The following MSX1 variants were observed in gnomAD, a reference collection of about 807,000 sequenced individuals.
MSX1 encodes the protein homeobox protein MSX-1.
A neutral mutation model predicts 17.0 loss-of-function variants in MSX1; 11 were observed. That is an observed-to-expected ratio of 0.65 (90% CI 0.41 to 1.07). MSX1 has a LOEUF of 1.07. MSX1 is among the 50% of genes least tolerant of loss of function. The pLI is 0.00. For synonymous variants in MSX1, 253 were observed against 211.8 expected (o/e 1.19, Z -1.69); for missense variants, 477 against 440.1 (o/e 1.08, Z -0.75).
rs771408025 is a variant in MSX1, at chr4:4,859,994, C to T, written c.95C>T (p.Ala32Val). Residue 32 changes from alanine to valine, a missense_variant, in exon 1 of 2, where the codon GCC (alanine) becomes GTC (valine). By Grantham distance (64) the Ala-to-Val change is moderately conservative. Coordinates refer to ENST00000382723, the MANE Select transcript of MSX1 (RefSeq NM_002448.3). The part of the protein sequence containing the change: ...GKPAGGGAGQ[A>V]PSAAAATAAA... ...CCGGCGGGGGGAGGCGCGGGCCAGG[C>T]CCCCAGCGCCGCCGCGGCCACGGCA... The T allele has an allele frequency of 8.5e-5, 127 of 1,491,764 alleles. 1 individual carries two copies. In the African/African-American group the frequency reaches 1.4e-3, roughly 16 times the overall value. 92.4% of individuals were successfully genotyped at this position (1,491,764 alleles called of 1,614,324 possible).
At position 4,863,261 on chromosome 4, in the gene MSX1, C is replaced by T; in HGVS notation, c.*118C>T. On this transcript the variant is annotated 3_prime_UTR_variant, in exon 2 of 2. Transcript: ENST00000382723. ...CCTTCCCTTTAACCCTCACACTGCT[C>T]CAGTTTCACCTCTTTGCTCCCTGAG... 1 of 1,055,670 alleles carries T rather than the reference C, an allele frequency of 9.5e-7. No homozygotes were observed. The highest frequency in any genetic ancestry group is 1.4e-6 in the Non-Finnish European group (1 of 724,922). 65.4% of individuals were successfully genotyped at this position (1,055,670 alleles called of 1,614,324 possible).
chr4:4,860,617 C>G (rs2108777874), intron 1 of MSX1, among the ~76,000 whole-genome samples: 2 of 152,338 alleles, frequency 1.3e-5, no homozygotes, highest in South Asian at 4.1e-4. Flanking sequence ...TGTCTGGGCA[C>G]CCTGTCCTCC....
At position 4,862,844 on chromosome 4, in the gene MSX1, T is replaced by C. The variant is rs759104204; in HGVS notation, c.613T>C (p.Phe205Leu). The change falls in exon 2 of 2, where the codon TTC becomes CTC. Residue 205 changes from phenylalanine to leucine, a missense_variant. Phe to Leu is a conservative substitution (Grantham distance 22). Around this residue, in one of 3 missense-constraint regions of MSX1, gnomAD observed 355 missense variants for 306.1 expected, o/e 1.16. Transcript: ENST00000382723. ...QYLSIAERAE[F>L]SSSLSLTETQ... ...CCTGTCCATCGCCGAGCGCGCGGAG[T>C]TCTCCAGCTCGCTCAGCCTCACTGA... 6.2e-7 allele frequency: 1 copy of C among 1,613,678 alleles called. No homozygotes were observed. Among genetic ancestry groups the C allele is most frequent in the East Asian group, 2.2e-5 (1 of 44,864 alleles).
In MSX1 at chr4:4,859,904, C is replaced by T. The variant is rs976201663; in HGVS notation, c.5C>T (p.Ala2Val). The stretch of plus-strand genomic sequence containing the variant: ...GAAGGGGGGGCCCGGCTCTGCATGG[C>T]CCCGGCTGCTGACATGACTTCTTTG... Reference protein sequence around the residue: MAPAADMTSLPL... With the variant: MVPAADMTSLPL... Residue 2 changes from alanine (A) to valine (V), a missense_variant, in exon 1 of 2, where the codon GCC becomes GTC. This residue lies in a region of MSX1 where 355 missense variants were observed against 306.1 expected (regional missense o/e 1.16). Coordinates refer to ENST00000382723, the MANE Select transcript of MSX1 (RefSeq NM_002448.3). 2 of 1,493,252 alleles carry T rather than the reference C, an allele frequency of 1.3e-6. No homozygotes were observed. Among genetic ancestry groups the T allele is most frequent in the Non-Finnish European group, 1.8e-6 (2 of 1,121,916 alleles). 92.5% of individuals were successfully genotyped at this position (1,493,252 alleles called of 1,614,324 possible).
At position 4,860,060 on chromosome 4, in the gene MSX1, T is replaced by C; in HGVS notation, c.161T>C (p.Val54Ala). ...GACGAGGAGGGGGCCAAGCCCAAAGTGTCCCCTTCGCTCCTGCCCTTCAGC... is the reference window on the plus strand; with the variant it reads ...GACGAGGAGGGGGCCAAGCCCAAAGCGTCCCCTTCGCTCCTGCCCTTCAGC... ...GADEEGAKPK[V>A]SPSLLPFSVE... is the part of the protein sequence containing the mutation. The change falls in exon 1 of 2, where the codon GTG (valine) becomes GCG (alanine). Residue 54 changes from valine to alanine, a missense_variant. This residue lies in a region of MSX1 where 355 missense variants were observed against 306.1 expected (regional missense o/e 1.16). Transcript: ENST00000382723. The C allele has an allele frequency of 6.6e-7, 1 of 1,519,164 alleles. No homozygotes were observed. The highest frequency in any genetic ancestry group is 8.8e-7 in the Non-Finnish European group (1 of 1,134,958). The allele number at this position is 1,519,164 out of a possible 1,614,324, so 94.1% of individuals were successfully genotyped here.
rs539393905 is a variant in MSX1 at position 4,860,802 on chromosome 4, C to T, written c.469+434C>T. On this transcript the variant is annotated intron_variant, in intron 1 of 1. Transcript: ENST00000382723. ...CCCAGCCCCTCTTCCCTTTCAAGTA[C>T]CTCTTTGCCTAGAGGTTCCGAAGCT... 3.9e-5 allele frequency among the ~76,000 whole-genome samples: 6 copies of T among 152,332 alleles called. No homozygotes were observed. In the South Asian group the frequency reaches 1.2e-3, roughly 32 times the overall value.
intron 1 of MSX1, among the ~76,000 whole-genome samples, chr4:4,861,261 A>C (rs977875602): frequency 6.6e-6 from 1 of 152,210 alleles, no homozygotes; most frequent in African/African-American, 2.4e-5. Context: ...TAATGGCCGG[A>C]GAAGGTGGCC....
chr4:4,863,016 C>T lies in MSX1; in HGVS notation c.785C>T (p.Ala262Val), dbSNP rs1322330821. Residue 262 changes from alanine to valine, a missense_variant, in exon 2 of 2, where the codon GCT becomes GTT. By Grantham distance (64) the Ala-to-Val change is moderately conservative. Transcript: ENST00000382723. The part of the protein sequence containing the change: ...GLSFPLGGPA[A>V]VAAAAGASLY... ...TCCTTCCCTCTCGGCGGCCCCGCAG[C>T]TGTAGCGGCCGCGGCGGGTGCCTCG... The T allele has an allele frequency of 6.2e-7, 1 of 1,611,508 alleles. No homozygotes were observed. The highest frequency in any genetic ancestry group is 2.2e-5 in the East Asian group (1 of 44,840).
Position 4,860,062 on chromosome 4 carries a change from TC to T in MSX1, c.167del (p.Pro56LeufsTer104). 1 of 1,519,472 alleles carries T rather than the reference TC, an allele frequency of 6.6e-7. No individual in the cohort carries two copies. The highest frequency in any genetic ancestry group is 1.2e-5 in the South Asian group (1 of 80,870). The allele number at this position is 1,519,472 out of a possible 1,614,324, so 94.1% of individuals were successfully genotyped here. A position where few individuals can be genotyped will look rare whatever the true frequency, so the allele number is the denominator to read the frequency against. ...CGAGGAGGGGGCCAAGCCCAAAGTG[TC>T]CCCTTCGCTCCTGCCCTTCAGCGTG... ...ADEEGAKPKVSPSLLPFSVEA... is the reference protein window; with the variant it reads ...ADEEGAKPKVXPSLLPFSVEA... On this transcript the variant is annotated frameshift_variant, in exon 1 of 2. Transcript: ENST00000382723. LOFTEE classifies it high-confidence loss of function.
chr4:4,862,503 A>G lies in MSX1; in HGVS notation c.470-198A>G, dbSNP rs10014077. 50,926 of 744,698 alleles carry G rather than the reference A, an allele frequency of 0.068. 2,554 individuals are homozygous for G. The highest frequency in any genetic ancestry group is 0.13 in the South Asian group (9,220 of 69,248). 46.1% of individuals were successfully genotyped at this position (744,698 alleles called of 1,614,324 possible). ...TAGTTTCTTCATTTGCAAAAAGTAG[A>G]CAGGAACTTCTCCCCTGCGGGGTTG... On this transcript the variant is annotated intron_variant, in intron 1 of 1. Transcript: ENST00000382723.
In MSX1 at chr4:4,860,226, C is replaced by A. The variant is rs1202034275; in HGVS notation, c.327C>A (p.Pro109=). The A allele has an allele frequency of 6.4e-7, 1 of 1,572,324 alleles. No individual in the cohort carries two copies. Among genetic ancestry groups the A allele is most frequent in the South Asian group, 1.1e-5 (1 of 87,258 alleles). The change falls in exon 1 of 2, where the codon CCC becomes CCA. Residue 109 remains proline (P), a synonymous_variant. Transcript: ENST00000382723. ...PPGSLGAPDA[P]SSPRPLGHFS... ...GGTCGCTGGGAGCCCCGGACGCGCCCTCTTCGCCGCGGCCGCTCGGCCATT... is the reference window on the plus strand; with the variant it reads ...GGTCGCTGGGAGCCCCGGACGCGCCATCTTCGCCGCGGCCGCTCGGCCATT...
At position 4,859,910 on chromosome 4, in the gene MSX1, C is replaced by A. The variant is rs923026617; in HGVS notation, c.11C>A (p.Ala4Asp). Residue 4 changes from alanine to aspartate, a missense_variant, in exon 1 of 2, where the codon GCT (alanine) becomes GAT (aspartate). By Grantham distance (126) the Ala-to-Asp change is moderately radical. Transcript: ENST00000382723. MAP[A>D]ADMTSLPLGV... ...GGGGCCCGGCTCTGCATGGCCCCGG[C>A]TGCTGACATGACTTCTTTGCCACTC... The A allele has an allele frequency of 2.7e-6, 4 of 1,495,390 alleles. No individual in the cohort carries two copies. Among genetic ancestry groups the A allele is most frequent in the East Asian group, 5.7e-5 (2 of 34,884 alleles). 92.6% of individuals were successfully genotyped at this position (1,495,390 alleles called of 1,614,324 possible).
At chr4:4,861,875 C>CA (rs1737923285) in intron 1 of MSX1, among the ~76,000 whole-genome samples, 1 of 136,524 alleles carries the variant, frequency 7.3e-6, no homozygotes, top group African/African-American at 2.9e-5. Context: ...GCGATCTCAA[C>CA]ACTCCCCCCG....
chr4:4,863,090 C>G lies in MSX1; in HGVS notation c.859C>G (p.Pro287Ala). Residue 287 changes from proline (P) to alanine (A), a missense_variant, in exon 2 of 2, where the codon CCC becomes GCC. Physicochemically the swap from Pro to Ala is conservative, Grantham distance 27. Transcript: ENST00000382723. ...CCAGCGCGCCGCGCTGCCTGTGGCG[C>G]CCGTGGGACTCTACACGGCCCATGT... ...PFQRAALPVA[P>A]VGLYTAHVGY... 6.2e-7 allele frequency: 1 copy of G among 1,609,480 alleles called. No individual in the cohort carries two copies.
At position 4,863,361 on chromosome 4, in the gene MSX1, TAC is replaced by T; in HGVS notation, c.*221_*222del. ...TTAGTACTCTTCTAGCATTTAGATCTACACTCTCGAGTTAAAGATGGGGAAAC... is the reference window on the plus strand; with the variant it reads ...TTAGTACTCTTCTAGCATTTAGATCTACTCTCGAGTTAAAGATGGGGAAAC... On this transcript the variant is annotated 3_prime_UTR_variant, in exon 2 of 2. Coordinates refer to ENST00000382723, the MANE Select transcript of MSX1 (RefSeq NM_002448.3). 1 of 560,768 alleles carries T rather than the reference TAC, an allele frequency of 1.8e-6. No homozygotes were observed. Among genetic ancestry groups the T allele is most frequent in the East Asian group, 3.0e-5 (1 of 33,756 alleles). 34.7% of individuals were successfully genotyped at this position (560,768 alleles called of 1,614,324 possible).
intron 1 of MSX1, among the ~76,000 whole-genome samples, chr4:4,862,067 T>C (rs920897354): frequency 6.6e-6 from 1 of 152,234 alleles, no homozygotes; most frequent in African/African-American, 2.4e-5. Context: ...CTAAGAGGGC[T>C]GGCCACAGTG....
Position 4,860,115 on chromosome 4 carries a change from G to A in MSX1, c.216G>A (p.Lys72=). 2 of 1,516,418 alleles carry A rather than the reference G, an allele frequency of 1.3e-6. No homozygotes were observed. The highest frequency in any genetic ancestry group is 1.8e-6 in the Non-Finnish European group (2 of 1,136,540). 93.9% of individuals were successfully genotyped at this position (1,516,418 alleles called of 1,614,324 possible). The change falls in exon 1 of 2, where the codon AAG becomes AAA. Residue 72 remains lysine (K), a synonymous_variant. Transcript: ENST00000382723. Reference sequence around the variant, plus strand: ...AGGCGCTCATGGCCGACCACAGGAAGCCGGGGGCCAAGGAGAGCGCCCTGG... The same window carrying A: ...AGGCGCTCATGGCCGACCACAGGAAACCGGGGGCCAAGGAGAGCGCCCTGG... ...SVEALMADHR[K]PGAKESALAP... is the part of the protein sequence containing the mutation.
Position 4,859,776 on chromosome 4 carries a change from C to G in MSX1, c.-124C>G. The G allele has an allele frequency of 1.4e-6, 1 of 704,468 alleles. No homozygotes were observed. The highest frequency in any genetic ancestry group is 1.9e-6 in the Non-Finnish European group (1 of 531,212). 43.6% of individuals were successfully genotyped at this position (704,468 alleles called of 1,614,324 possible). ...CTGCTGGGGAGGGGCGGGAGGCGCGCGCGGGAGGGTCCGCCCGGCCAGGGC... is the reference window on the plus strand; with the variant it reads ...CTGCTGGGGAGGGGCGGGAGGCGCGGGCGGGAGGGTCCGCCCGGCCAGGGC... On this transcript the variant is annotated 5_prime_UTR_variant, in exon 1 of 2. Coordinates refer to ENST00000382723, the MANE Select transcript of MSX1 (RefSeq NM_002448.3).
intron 1 of MSX1, among the ~76,000 whole-genome samples, chr4:4,860,755 C>T (rs1421491217): frequency 6.6e-6 from 1 of 152,232 alleles, no homozygotes; most frequent in Non-Finnish European, 1.5e-5. Context: ...GTTTCACTTT[C>T]TCGCAGTAGG....
Sources: gnomAD v4.1 joint callset for allele counts (sites outside exome capture counted in the v4.1 genomes callset) on GRCh38, gnomAD v4.1.1 for gene constraint, gnomAD v4.1.1 regional missense constraint, MANE v1.5 for transcripts, NCBI Gene and HGNC (gene_info 2026-07-23, HGNC 2026-07-21) for gene names.